The following AHNAK variants were observed in gnomAD, a reference collection of about 807,000 sequenced individuals.
AHNAK encodes AHNAK nucleoprotein, also known as neuroblast differentiation-associated protein AHNAK.
AHNAK carries 23 observed loss-of-function variants against 37.8 expected under a neutral mutation model. The ratio of observed to expected loss-of-function variants is 0.61; its 90% CI spans 0.44 to 0.86. The LOEUF is 0.86. AHNAK is among the 40% of genes least tolerant of loss of function. AHNAK has a pLI of 0.00. For missense variants in AHNAK, 7,411 were observed against 7,319.4 expected (o/e 1.01, Z -0.46); for synonymous variants, 2,481 against 2,636.3 (o/e 0.94, Z 1.80).
In AHNAK at chr11:62,516,461, C is replaced by T. The variant is rs1202279257; in HGVS notation, c.*283G>A. 1.7e-5 allele frequency: 22 copies of T among 1,297,972 alleles called. No homozygotes were observed. Among genetic ancestry groups the T allele is most frequent in the Non-Finnish European group, 9.8e-7 (1 of 1,016,398 alleles). The allele number at this position is 1,297,972 out of a possible 1,614,324, so 80.4% of individuals were successfully genotyped here. ...CAAAAGCTTGCTTAGTAAACAGGAG[C>T]TCTCAGCAGTCAATGCAAAAAAATA... On this transcript the variant is annotated 3_prime_UTR_variant, in exon 5 of 5. Coordinates refer to ENST00000378024, the MANE Select transcript of AHNAK (RefSeq NM_001620.3).
At chr11:62,456,482 G>A (rs1938661023) in intron 5 of AHNAK, among the ~76,000 whole-genome samples, 1 of 152,194 alleles carries the variant, frequency 6.6e-6, no homozygotes, top group Non-Finnish European at 1.5e-5. Flanking sequence ...ACTCAGAGAG[G>A]TTAATAACTT....
At chr11:62,433,985 A>G in intron 5 of AHNAK, 1 of 1,529,950 alleles carries the variant, frequency 6.5e-7, no homozygotes, top group Non-Finnish European at 8.9e-7. Flanking sequence ...CACCAACTGA[A>G]AGAAGGTCCC....
In AHNAK at chr11:62,522,049, T is replaced by A; in HGVS notation, c.12368A>T (p.His4123Leu). 6.2e-7 allele frequency: 1 copy of A among 1,614,144 alleles called. No individual in the cohort carries two copies. The highest frequency in any genetic ancestry group is 8.5e-7 in the Non-Finnish European group (1 of 1,180,026). ...KGPKFKMPDL[H>L]LKAPKISMPE... ...CATAGAGATCTTCGGTGCCTTGAGG[T>A]GCAGGTCAGGCATTTTAAATTTGGG... Residue 4123 changes from histidine to leucine, a missense_variant, in exon 5 of 5, where the codon CAC becomes CTC. Transcript: ENST00000378024.
In AHNAK at chr11:62,531,967, T is replaced by C; in HGVS notation, c.2450A>G (p.Lys817Arg). ...KMPEMNIKVP[K>R]ISMPDVDLHL... ...TAAGTCCACATCAGGCATGGAGATC[T>C]TGGGGACTTTGATGTTCATCTCAGG... Residue 817 changes from lysine to arginine, a missense_variant, in exon 5 of 5, where the codon AAG becomes AGG. Physicochemically the swap from Lys to Arg is conservative, Grantham distance 26. Coordinates refer to ENST00000378024, the MANE Select transcript of AHNAK (RefSeq NM_001620.3). The C allele has an allele frequency of 1.2e-6, 2 of 1,614,222 alleles. No individual in the cohort carries two copies. Among genetic ancestry groups the C allele is most frequent in the Non-Finnish European group, 8.5e-7 (1 of 1,180,040 alleles).
Position 62,530,774 on chromosome 11 carries a change from C to T in AHNAK, c.3643G>A (p.Val1215Met). The T allele has an allele frequency of 1.2e-6, 2 of 1,613,842 alleles. No homozygotes were observed. Among genetic ancestry groups the T allele is most frequent in the Non-Finnish European group, 1.7e-6 (2 of 1,179,972 alleles). The change falls in exon 5 of 5, where the codon GTG becomes ATG. Residue 1215 changes from valine to methionine, a missense_variant. By Grantham distance (21) the Val-to-Met change is conservative (BLOSUM62 1). Coordinates refer to ENST00000378024, the MANE Select transcript of AHNAK (RefSeq NM_001620.3). ...KGPKVKGDVD[V>M]SVPKVEGEMK... Reference sequence around the variant, plus strand: ...TCACCTTCTACCTTGGGCACAGACACATCCACATCCCCTTTGACTTTGGGG... The same window carrying T: ...TCACCTTCTACCTTGGGCACAGACATATCCACATCCCCTTTGACTTTGGGG...
Position 62,533,458 on chromosome 11 carries a change from C to T in AHNAK, c.959G>A (p.Arg320His), listed in dbSNP as rs149802489. 1,672 of 1,614,082 alleles carry T rather than the reference C, an allele frequency of 1.0e-3. 1 individual carries two copies. Among genetic ancestry groups the T allele is most frequent in the Admixed American group, 2.2e-3 (131 of 60,020 alleles). The change falls in exon 5 of 5, where the codon CGT becomes CAT. Residue 320 changes from arginine to histidine, a missense_variant. Arg to His is a conservative substitution (Grantham distance 29). Coordinates refer to ENST00000378024, the MANE Select transcript of AHNAK (RefSeq NM_001620.3). The stretch of plus-strand genomic sequence containing the variant: ...CCCTGCCTTTGGTGTCTGGCCCTCA[C>T]GCCCTGTTGAGACACCAAATTTCGG... The part of the protein sequence containing the change: ...KVPKFGVSTG[R>H]EGQTPKAGLR...
chr11:62,494,671 AGCCTGG>A (rs1229245914), intron 4 of AHNAK, among the ~76,000 whole-genome samples: 1 of 152,058 alleles, frequency 6.6e-6, no homozygotes, highest in Non-Finnish European at 1.5e-5. Flanking sequence ...GTTCAAAATC[AGCCTGG>A]GCAACATGGC....
chr11:62,511,977 T>A (rs555826479), downstream of AHNAK, among the ~76,000 whole-genome samples: 3 of 152,266 alleles, frequency 2.0e-5, no homozygotes, highest in South Asian at 4.1e-4. Flanking sequence ...GCCTCCCAAG[T>A]AACTGGGATT....
chr11:62,502,257 C>A (rs1939726428), intron 4 of AHNAK, among the ~76,000 whole-genome samples: 1 of 152,188 alleles, frequency 6.6e-6, no homozygotes, highest in Non-Finnish European at 1.5e-5. Context: ...AGTTTGCCAG[C>A]CAACAGGGCA....
At chr11:62,482,423 ATGT>A (rs1174440951) in intron 5 of AHNAK, among the ~76,000 whole-genome samples, 3 of 150,800 alleles carry the variant, frequency 2.0e-5, no homozygotes, top group Non-Finnish European at 4.4e-5. Context: ...AAAAAAAAAA[ATGT>A]AGTATTTAAC....
chr11:62,458,409 A>C (rs1423815249), intron 5 of AHNAK, among the ~76,000 whole-genome samples: 2 of 152,110 alleles, frequency 1.3e-5, no homozygotes, highest in Admixed American at 1.3e-4. Flanking sequence ...GATACAGTAC[A>C]GAGTGCACCA....
Position 62,528,052 on chromosome 11 carries a change from A to G in AHNAK, c.6365T>C (p.Val2122Ala). The change falls in exon 5 of 5, where the codon GTG becomes GCG. Residue 2122 changes from valine to alanine, a missense_variant. Physicochemically the swap from Val to Ala is moderately conservative, Grantham distance 64. Coordinates refer to ENST00000378024, the MANE Select transcript of AHNAK (RefSeq NM_001620.3). ...TTTGGGGCCTTTCAAGTGTAAGTCC[A>G]CATCAGGCATGGAGATCTTGGGGGC... The part of the protein sequence containing the change: ...FKAPKISMPD[V>A]DLHLKGPKVK... 6.2e-7 allele frequency: 1 copy of G among 1,613,778 alleles called. No individual in the cohort carries two copies. Among genetic ancestry groups the G allele is most frequent in the South Asian group, 1.1e-5 (1 of 91,062 alleles).
rs566790206 is a variant in AHNAK at position 62,527,946 on chromosome 11, A to C, written c.6471T>G (p.Asp2157Glu). 3.7e-5 allele frequency: 59 copies of C among 1,612,292 alleles called. No homozygotes were observed. The highest frequency in any genetic ancestry group is 4.7e-5 in the Non-Finnish European group (55 of 1,179,604). Residue 2157 changes from aspartate to glutamate, a missense_variant, in exon 5 of 5, where the codon GAT becomes GAG. Coordinates refer to ENST00000378024, the MANE Select transcript of AHNAK (RefSeq NM_001620.3). ...TTGCATCAGGACACTCCAGCTCAAC[A>C]TCAGGCACCTCCACATCCACACTGG... ...TGPSVDVEVP[D>E]VELECPDAKL...
At position 62,518,572 on chromosome 11, in the gene AHNAK, C is replaced by T. The variant is rs149883015; in HGVS notation, c.15845G>A (p.Gly5282Glu). The change falls in exon 5 of 5, where the codon GGG (glycine) becomes GAG (glutamate). Residue 5282 changes from glycine (G) to glutamate (E), a missense_variant. Transcript: ENST00000378024. ...KLEGPDVSLK[G>E]PGVDLPSVNL... Reference sequence around the variant, plus strand: ...CACTGAAGGCAAGTCTACTCCTGGCCCCTTTAGAGAAACATCGGGCCCTTC... The same window carrying T: ...CACTGAAGGCAAGTCTACTCCTGGCTCCTTTAGAGAAACATCGGGCCCTTC... 1.2e-5 allele frequency: 20 copies of T among 1,614,144 alleles called. No individual in the cohort carries two copies. Among genetic ancestry groups the T allele is most frequent in the Non-Finnish European group, 1.7e-5 (20 of 1,180,036 alleles).
intron 1 of AHNAK, among the ~76,000 whole-genome samples, chr11:62,538,226 G>A (rs1023742609): frequency 2.6e-5 from 4 of 152,104 alleles, no homozygotes; most frequent in Non-Finnish European, 5.9e-5. Context: ...ACCAGGCACC[G>A]CCCAAGCCCC....
intron 5 of AHNAK, among the ~76,000 whole-genome samples, chr11:62,470,042 C>T (rs149438386): frequency 2.1e-3 from 314 of 152,308 alleles, no homozygotes; most frequent in East Asian, 0.013. Context: ...GCAGTGCTCA[C>T]GCCCGTAATC....
At chr11:62,470,737 A>G (rs899961958) in intron 5 of AHNAK, among the ~76,000 whole-genome samples, 15 of 152,094 alleles carry the variant, frequency 9.9e-5, no homozygotes, top group African/African-American at 3.4e-4. Flanking sequence ...GGCAACATCA[A>G]TTTCAATGAT....
At chr11:62,470,936 C>G (rs1939023423) in intron 5 of AHNAK, among the ~76,000 whole-genome samples, 1 of 152,182 alleles carries the variant, frequency 6.6e-6, no homozygotes, top group Non-Finnish European at 1.5e-5. Flanking sequence ...TCCCCCGAGA[C>G]CTGACCGTCC....
chr11:62,479,417 T>G (rs1341820030), intron 5 of AHNAK, among the ~76,000 whole-genome samples: 5 of 151,894 alleles, frequency 3.3e-5, no homozygotes, highest in Admixed American at 3.3e-4. Flanking sequence ...TCCGTCTACC[T>G]CAGCCTCCCA....
Sources: gnomAD v4.1 joint callset for allele counts (sites outside exome capture counted in the v4.1 genomes callset) on GRCh38, gnomAD v4.1.1 for gene constraint, MANE v1.5 for transcripts, NCBI Gene and HGNC (gene_info 2026-07-23, HGNC 2026-07-21) for gene names.